ROBO1: variants seen among roughly 807,000 people sequenced by gnomAD.
The protein encoded by ROBO1 is roundabout homolog 1.
In ROBO1, 149 loss-of-function variants were observed where a neutral mutation model predicts 195.9. The observed-to-expected ratio is 0.76, with a 90% CI of 0.67 to 0.87. The LOEUF (loss-of-function observed/expected upper bound fraction) is 0.87. Ranked by LOEUF, ROBO1 falls within the 40% of genes least tolerant of loss-of-function variation. The probability of loss-of-function intolerance (pLI) is 0.00; values close to 1 mark genes in which losing one functional copy is unlikely to be tolerated. For missense variants in ROBO1, 1,933 were observed against 2,068.3 expected, an observed-to-expected ratio of 0.93 and a Z score of 1.27; for synonymous variants, 816 against 733.2, an observed-to-expected ratio of 1.11 and a Z score of -1.82.
At chr3:79,673,576 C>G (rs530665492) in intron 1 of ROBO1, among the ~76,000 whole-genome samples, 2 of 151,962 alleles carry the variant, frequency 1.3e-5, no homozygotes, top group African/African-American at 4.8e-5. Flanking sequence ...GAGGCACAGT[C>G]CTGTGTGAGA....
intron 2 of ROBO1, among the ~76,000 whole-genome samples, chr3:79,252,222 T>C (rs2082743942): frequency 6.6e-6 from 1 of 152,150 alleles, no homozygotes. Context: ...TTGGATAGTG[T>C]CTGCCCAGAA....
intron 3 of ROBO1, among the ~76,000 whole-genome samples, chr3:78,969,359 A>T (rs1179868150): frequency 6.6e-6 from 1 of 152,206 alleles, no homozygotes; most frequent in East Asian, 1.9e-4. Flanking sequence ...ACAAGTCTAC[A>T]AACAAAAAGA....
intron 8 of ROBO1, among the ~76,000 whole-genome samples, chr3:78,710,646 A>G (rs114586881): frequency 0.011 from 1,690 of 152,260 alleles, 13 homozygotes; most frequent in Non-Finnish European, 0.017. Flanking sequence ...AGTTTCATGA[A>G]ATTTATGTAA....
intron 4 of ROBO1, among the ~76,000 whole-genome samples, chr3:78,752,286 C>T (rs1360580797): frequency 1.3e-5 from 2 of 152,158 alleles, no homozygotes; most frequent in East Asian, 3.8e-4. Flanking sequence ...ATCATTCTTT[C>T]ATTTAACACA....
chr3:79,322,894 T>A (rs2034046696), intron 2 of ROBO1, among the ~76,000 whole-genome samples: 1 of 152,182 alleles, frequency 6.6e-6, no homozygotes, highest in Admixed American at 6.5e-5. Context: ...TAATCATGAA[T>A]ACATTTCAAA....
At chr3:79,351,515 A>C (rs2109266843) in intron 2 of ROBO1, among the ~76,000 whole-genome samples, 1 of 152,268 alleles carries the variant, frequency 6.6e-6, no homozygotes, top group Admixed American at 6.5e-5. Flanking sequence ...CAGTGAACCA[A>C]AAAACCAAAA....
At chr3:79,536,768 A>G (rs1941882055) in intron 2 of ROBO1, among the ~76,000 whole-genome samples, 2 of 152,190 alleles carry the variant, frequency 1.3e-5, no homozygotes, top group Admixed American at 6.5e-5. Flanking sequence ...ATAAAACTGT[A>G]GACTAGTGGA....
intron 2 of ROBO1, among the ~76,000 whole-genome samples, chr3:79,420,336 A>G (rs1238499118): frequency 4.6e-5 from 7 of 152,262 alleles, no homozygotes; most frequent in African/African-American, 1.4e-4. Flanking sequence ...TCTTGCATCC[A>G]TGTTAGTAAA....
chr3:79,479,065 A>T (rs1374907276), intron 2 of ROBO1, among the ~76,000 whole-genome samples: 1 of 152,224 alleles, frequency 6.6e-6, no homozygotes, highest in Non-Finnish European at 1.5e-5. Context: ...ACACATCTGT[A>T]TTATTCCCCT....
chr3:78,954,506 T>A (rs540204764), intron 3 of ROBO1, among the ~76,000 whole-genome samples: 30 of 152,078 alleles, frequency 2.0e-4, no homozygotes, highest in African/African-American at 6.7e-4. Flanking sequence ...AAATATAACA[T>A]AATATAATAT....
intron 20 of ROBO1, among the ~76,000 whole-genome samples, 159 bp downstream of exon 20, chr3:78,647,470 C>T (rs1263993385): frequency 6.6e-6 from 1 of 151,984 alleles, no homozygotes; most frequent in Non-Finnish European, 1.5e-5. Flanking sequence ...ACCATTTCTA[C>T]CTTAAACACA....
chr3:79,300,104 G>C (rs2032826136), intron 2 of ROBO1, among the ~76,000 whole-genome samples: 1 of 152,222 alleles, frequency 6.6e-6, no homozygotes, highest in South Asian at 2.1e-4. Context: ...CTCTGCCTGG[G>C]CTCCCACTTT....
chr3:79,681,571 T>C (rs141371387), intron 1 of ROBO1, among the ~76,000 whole-genome samples: 1 of 152,090 alleles, frequency 6.6e-6, no homozygotes, highest in African/African-American at 2.4e-5. Flanking sequence ...AGTGTTACCT[T>C]GTATTGTGGT....
chr3:79,718,891 G>T (rs1192665480), intron 1 of ROBO1, among the ~76,000 whole-genome samples: 2 of 151,998 alleles, frequency 1.3e-5, no homozygotes, highest in South Asian at 2.1e-4. Context: ...TCAGCTAAAA[G>T]ATTCTGTAAC....
At chr3:79,105,226 G>A (rs908013074) in intron 3 of ROBO1, among the ~76,000 whole-genome samples, 1 of 151,680 alleles carries the variant, frequency 6.6e-6, no homozygotes, top group African/African-American at 2.4e-5. Context: ...GATAGTTACA[G>A]CATGTAAAAA....
chr3:79,119,655 A>T (rs371158740), intron 3 of ROBO1, among the ~76,000 whole-genome samples: 18 of 152,310 alleles, frequency 1.2e-4, no homozygotes, highest in East Asian at 9.6e-4. Flanking sequence ...ATTTATCTTC[A>T]TTTTAAGAAA....
intron 2 of ROBO1, among the ~76,000 whole-genome samples, chr3:79,296,209 A>G (rs754658619): frequency 6.6e-6 from 1 of 152,210 alleles, no homozygotes; most frequent in African/African-American, 2.4e-5. Context: ...AGCATTACAT[A>G]AGACACATGA....
At chr3:78,860,056 G>A (rs1352816800) in intron 4 of ROBO1, among the ~76,000 whole-genome samples, 1 of 150,834 alleles carries the variant, frequency 6.6e-6, no homozygotes, top group Non-Finnish European at 1.5e-5. Flanking sequence ...TCCAGCCTGG[G>A]TGACAGAGCG....
intron 3 of ROBO1, among the ~76,000 whole-genome samples, chr3:79,067,224 A>T (rs1461079392): frequency 6.6e-6 from 1 of 151,982 alleles, no homozygotes; most frequent in Admixed American, 6.6e-5. Context: ...TATGTAAAAA[A>T]AGTTGATTAT....
Sources: gnomAD v4.1 joint callset for allele counts (sites outside exome capture counted in the v4.1 genomes callset) on GRCh38, gnomAD v4.1.1 for gene constraint, MANE v1.5 for transcripts, NCBI Gene and HGNC (gene_info 2026-07-23, HGNC 2026-07-21) for gene names.